Variants in DIP2A observed in about 807,000 individuals in gnomAD.
The protein encoded by DIP2A is disco-interacting protein 2 homolog A.
DIP2A carries 85 observed loss-of-function variants against 177.4 expected under a neutral mutation model. The ratio of observed to expected loss-of-function variants is 0.48; its 90% confidence interval spans 0.40 to 0.57. The LOEUF (loss-of-function observed/expected upper bound fraction) is 0.57. Ranked by LOEUF, DIP2A falls within the 20% of genes least tolerant of loss-of-function variation. The probability of loss-of-function intolerance (pLI) is 0.00; values close to 1 mark genes in which losing one functional copy is unlikely to be tolerated. For synonymous variants in DIP2A, 886 were observed against 881.8 expected, an observed-to-expected ratio of 1.00 and a Z score of -0.08; for missense variants, 1,791 against 2,100.2, an observed-to-expected ratio of 0.85 and a Z score of 2.88.
chr21:46,580,122 T>C, the DIP2A span, among the ~76,000 whole-genome samples: 1 of 152,212 alleles, frequency 6.6e-6, no homozygotes, highest in Non-Finnish European at 1.5e-5. Flanking sequence ...GTTTTATAAA[T>C]CTGGGTGCTC....
rs767126940 is a variant in DIP2A at position 46,556,008 on chromosome 21, A to G, written c.3415A>G (p.Ser1139Gly). 15 of 1,613,734 alleles carry G rather than the reference A, an allele frequency of 9.3e-6. No individual in the cohort carries two copies. Among genetic ancestry groups the G allele is most frequent in the East Asian group, 2.2e-5 (1 of 44,884 alleles). ...TDDIPKKKIASVFRPPSPDVL... is the reference protein window; with the variant it reads ...TDDIPKKKIAGVFRPPSPDVL... ...TGACATCCCAAAAAAGAAGATAGCAAGCGTTTTCAGGCCCCCCTCCCCCGA... is the reference window on the plus strand; with the variant it reads ...TGACATCCCAAAAAAGAAGATAGCAGGCGTTTTCAGGCCCCCCTCCCCCGA... Residue 1139 changes from serine to glycine, a missense_variant, in exon 29 of 38, where the codon AGC (serine) becomes GGC (glycine). Coordinates refer to ENST00000417564, the MANE Select transcript of DIP2A (RefSeq NM_015151.4). The surrounding 1 kb of genome is among the most constrained non-coding windows in gnomAD (Gnocchi z 4.5).
chr21:46,556,086 G>A lies in DIP2A; in HGVS notation c.3493G>A (p.Val1165Met), dbSNP rs1347426084. The A allele has an allele frequency of 6.2e-7, 1 of 1,612,912 alleles. No homozygotes were observed. The highest frequency in any genetic ancestry group is 8.5e-7 in the Non-Finnish European group (1 of 1,178,882). ...SVSTTGILAG[V>M]KMSHAATSAL... ...GTCAACCACTGGGATATTAGCGGGAGTGAAGGTAGGTCCTCTGAAATCTTG... is the reference window on the plus strand; with the variant it reads ...GTCAACCACTGGGATATTAGCGGGAATGAAGGTAGGTCCTCTGAAATCTTG... Residue 1165 changes from valine (V) to methionine (M), a missense_variant, in exon 29 of 38, where the codon GTG (valine) becomes ATG (methionine). Val to Met is a conservative substitution (Grantham distance 21). Coordinates refer to ENST00000417564, the MANE Select transcript of DIP2A (RefSeq NM_015151.4). This position sits in a 1 kb window ranked among gnomAD's most constrained non-coding sequence, Gnocchi z 4.5.
In DIP2A at chr21:46,504,488, T is replaced by C. The variant is rs1265533312; in HGVS notation, c.783T>C (p.Asp261=). 2 of 1,603,142 alleles carry C rather than the reference T, an allele frequency of 1.2e-6. No individual in the cohort carries two copies. Among genetic ancestry groups the C allele is most frequent in the South Asian group, 2.2e-5 (2 of 90,096 alleles). ...GCGGGAGCATGCTGGAAACAGCAGATGGTGAGCCTGCCTCTCTTTCTCCTC... is the reference window on the plus strand; with the variant it reads ...GCGGGAGCATGCTGGAAACAGCAGACGGTGAGCCTGCCTCTCTTTCTCCTC... ...GCSGSMLETA[D]GVPVNSRVSS... is the part of the protein sequence containing the mutation. Residue 261 remains aspartate, a splice_region_variant and synonymous_variant, in exon 6 of 38, where the codon GAT becomes GAC. Transcript: ENST00000417564.
rs576385893 is a variant in DIP2A at position 46,557,401 on chromosome 21, C to T, written c.3630-184C>T. On this transcript the variant is annotated intron_variant, in intron 30 of 37. Coordinates refer to ENST00000417564, the MANE Select transcript of DIP2A (RefSeq NM_015151.4). This position sits in a 1 kb window ranked among gnomAD's most constrained non-coding sequence, Gnocchi z 6.0. ...GTGTTCGGAGCAGAGCTCAGAACCC[C>T]GTGCCTGCCATCCCCCAACCTTCAC... is the stretch of plus-strand genomic sequence containing the variant. 6.3e-5 allele frequency: 48 copies of T among 757,820 alleles called. No homozygotes were observed. Among genetic ancestry groups the T allele is most frequent in the Middle Eastern group, 3.9e-4 (1 of 2,572 alleles). 46.9% of individuals were successfully genotyped at this position (757,820 alleles called of 1,614,324 possible).
At chr21:46,459,625 C>T (rs2054116281) in intron 1 of DIP2A, among the ~76,000 whole-genome samples, 3 of 148,016 alleles carry the variant, frequency 2.0e-5, no homozygotes, top group Admixed American at 1.3e-4. Context: ...CGCGCTGCCC[C>T]TCCGGACTCC....
At position 46,567,350 on chromosome 21, in the gene DIP2A, A is replaced by C; in HGVS notation, c.4464-20A>C. The C allele has an allele frequency of 6.2e-7, 1 of 1,604,894 alleles. No individual in the cohort carries two copies. Among genetic ancestry groups the C allele is most frequent in the African/African-American group, 1.3e-5 (1 of 74,922 alleles). ...ACCTGTGCCTGTATCCATGTGACCC[A>C]GTCTGTCTTCTCTCTGCAGTGCCGT... On this transcript the variant is annotated intron_variant, in intron 37 of 37. Coordinates refer to ENST00000417564, the MANE Select transcript of DIP2A (RefSeq NM_015151.4).
intron 3 of DIP2A, 76 bp from the exon 4 acceptor site, chr21:46,496,912 A>C (rs1045662464): frequency 1.4e-6 from 2 of 1,434,206 alleles, no homozygotes; most frequent in African/African-American, 2.9e-5. Context: ...GAAAACAAAC[A>C]AAAACATGAA....
chr21:46,550,686 G>T lies in DIP2A; in HGVS notation c.2781G>T (p.Val927=). The T allele has an allele frequency of 6.2e-7, 1 of 1,614,030 alleles. No homozygotes were observed. Among genetic ancestry groups the T allele is most frequent in the South Asian group, 1.1e-5 (1 of 91,074 alleles). The change falls in exon 23 of 38, where the codon GTG becomes GTT. Residue 927 remains valine (V), a synonymous_variant. Transcript: ENST00000417564. ...AAGGGACGCTGCACCCGTGTAATGT[G>T]CTGATGTGCCCTCACACCTGTGTTA... is the stretch of plus-strand genomic sequence containing the variant. ...FLEGTLHPCN[V]LMCPHTCVTN...
chr21:46,550,108 C>A, intron 22 of DIP2A: 2 of 1,178,878 alleles, frequency 1.7e-6, no homozygotes, highest in Non-Finnish European at 2.3e-6. Context: ...ATTAATATAT[C>A]CATCACCTCA....
intron 1 of DIP2A, 85 bp from the exon 2 acceptor site, chr21:46,484,672 A>C (rs718496): frequency 0.26 from 310,841 of 1,186,364 alleles, 43,795 homozygotes; most frequent in African/African-American, 0.47. Flanking sequence ...CAGTGTTTCC[A>C]GTTTTTCAAT....
chr21:46,550,930 G>A (rs1031643020), intron 23 of DIP2A, among the ~76,000 whole-genome samples, 186 bp downstream of exon 23: 4 of 152,208 alleles, frequency 2.6e-5, no homozygotes, highest in African/African-American at 4.8e-5. Context: ...AACCAGCCAC[G>A]CATGGGGGAA....
chr21:46,459,850 C>A (rs776659924), intron 1 of DIP2A, among the ~76,000 whole-genome samples: 1 of 152,170 alleles, frequency 6.6e-6, no homozygotes, highest in Admixed American at 6.5e-5. Context: ...CAAGGACTGG[C>A]TTTGACTAGG....
intron 7 of DIP2A, among the ~76,000 whole-genome samples, chr21:46,510,463 G>A (rs1042429244): frequency 6.6e-6 from 1 of 152,078 alleles, no homozygotes; most frequent in African/African-American, 2.4e-5. Flanking sequence ...ATCACACAGT[G>A]CCTTTCAAAT....
At chr21:46,509,123 T>A in intron 6 of DIP2A, 134 bp from the exon 7 acceptor site, 1 of 915,954 alleles carries the variant, frequency 1.1e-6, no homozygotes, top group Non-Finnish European at 1.5e-6. Context: ...CCAAAATGAC[T>A]GTCCAGTGGG....
chr21:46,565,971 C>G, intron 36 of DIP2A, 84 bp downstream of exon 36: 1 of 1,478,388 alleles, frequency 6.8e-7, no homozygotes, highest in East Asian at 2.3e-5. Flanking sequence ...TGCTAGCACA[C>G]CTCACTCCTT....
intron 26 of DIP2A, 72 bp from the exon 27 acceptor site, chr21:46,554,503 A>G (rs2060385770): frequency 6.3e-7 from 1 of 1,583,068 alleles, no homozygotes; most frequent in Non-Finnish European, 8.6e-7. Context: ...CCTCTCTCGC[A>G]GGAACAGTGA....
At chr21:46,493,609 A>T (rs2057146582) in intron 3 of DIP2A, among the ~76,000 whole-genome samples, 1 of 152,120 alleles carries the variant, frequency 6.6e-6, no homozygotes, top group African/African-American at 2.4e-5. Context: ...GTTACTACTG[A>T]GTATTGTCAG....
At chr21:46,552,022 C>A in intron 25 of DIP2A, 118 bp downstream of exon 25, 1 of 1,209,820 alleles carries the variant, frequency 8.3e-7, no homozygotes, top group South Asian at 1.3e-5. Flanking sequence ...AACAGGGTGC[C>A]TGTGGACTCA....
At chr21:46,500,738 T>C (rs1323195334) in intron 5 of DIP2A, among the ~76,000 whole-genome samples, 1 of 152,230 alleles carries the variant, frequency 6.6e-6, no homozygotes, top group Non-Finnish European at 1.5e-5. Context: ...GCCCTCAACT[T>C]TCCAGTGATT....
Sources: gnomAD v4.1 joint callset for allele counts (sites outside exome capture counted in the v4.1 genomes callset) on GRCh38, gnomAD v4.1.1 for gene constraint, Gnocchi (gnomAD v3.1) non-coding constraint, MANE v1.5 for transcripts, NCBI Gene and HGNC (gene_info 2026-07-23, HGNC 2026-07-21) for gene names.